CFAP47: variants seen among roughly 807,000 people sequenced by gnomAD.
CFAP47 encodes the protein cilia- and flagella-associated protein 47.
CFAP47 carries 29 observed loss-of-function variants against 148.1 expected under a neutral mutation model. That is an observed-to-expected ratio of 0.20 (90% CI 0.15 to 0.27). CFAP47 has a LOEUF of 0.27. Ranked by LOEUF, CFAP47 falls within the 10% of genes least tolerant of loss-of-function variation. The pLI is 1.00. For synonymous variants in CFAP47, 664 were observed against 577.3 expected (o/e 1.15, Z -2.15); for missense variants, 1,872 against 1,697.5 (o/e 1.10, Z -1.81).
chrX:36,308,115 A>C lies in CFAP47; in HGVS notation c.8187+1239A>C, dbSNP rs371861859. On this transcript the variant is annotated intron_variant, in intron 55 of 63. Coordinates refer to ENST00000378653, the MANE Select transcript of CFAP47 (RefSeq NM_001304548.2). Reference sequence around the variant, plus strand: ...ATATCTATTCAAGGGCAGTCTTAGAACTCAGCAGGGAGATAATCAGTTCTG... The same window carrying C: ...ATATCTATTCAAGGGCAGTCTTAGACCTCAGCAGGGAGATAATCAGTTCTG... Among the ~76,000 whole-genome samples the C allele has an allele frequency of 4.5e-5, 5 of 111,604 alleles. No individual in the cohort carries two copies. The East Asian group carries it at 8.4e-4, about 19-fold the overall frequency.
Position 36,201,313 on chromosome X carries a change from A to C in CFAP47, c.6476A>C (p.Lys2159Thr). ...TACCCAGTTCTGTATTTGAAATGCA[A>C]ACCCTATCAAATCCTGTATGTGGAC... is the stretch of plus-strand genomic sequence containing the variant. ...KKYPVLYLKC[K>T]PYQILYVDLK... Residue 2159 changes from lysine (K) to threonine (T), a missense_variant, in exon 44 of 64, where the codon AAA becomes ACA. Physicochemically the swap from Lys to Thr is moderately conservative, Grantham distance 78. Transcript: ENST00000378653. The C allele has an allele frequency of 3.4e-6, 1 of 297,265 alleles. No homozygotes were observed. The allele number at this position is 297,265 out of a possible 1,213,427, so 24.5% of individuals were successfully genotyped here. A position where few individuals can be genotyped will look rare whatever the true frequency, so the allele number is the denominator to read the frequency against.
intron 51 of CFAP47, among the ~76,000 whole-genome samples, chrX:36,294,734 T>C (rs1332037253): frequency 1.8e-5 from 2 of 110,324 alleles, no homozygotes; most frequent in Admixed American, 9.7e-5. Context: ...AAAATGAAAA[T>C]AAAAAATAAA....
At chrX:35,980,494 C>T (rs1281800193) in intron 15 of CFAP47, among the ~76,000 whole-genome samples, 1 of 111,860 alleles carries the variant, frequency 8.9e-6, no homozygotes, top group Non-Finnish European at 1.9e-5. Flanking sequence ...CTGACTTTTA[C>T]ATATTCCCCA....
chrX:35,941,186 A>C (rs922498095), intron 2 of CFAP47, 97 bp from the exon 3 acceptor site: 24 of 441,096 alleles, frequency 5.4e-5, no homozygotes, highest in Non-Finnish European at 8.5e-5. Flanking sequence ...AATGTCTTTT[A>C]AGGGCTTAAG....
At chrX:36,337,839 C>T (rs1941618015) in intron 57 of CFAP47, among the ~76,000 whole-genome samples, 2 of 104,369 alleles carry the variant, frequency 1.9e-5, no homozygotes, top group South Asian at 9.0e-4. Context: ...CAATTTTCTC[C>T]TCTGTTTTCC....
intron 2 of CFAP47, among the ~76,000 whole-genome samples, chrX:35,934,065 T>G (rs758789469): frequency 1.8e-5 from 2 of 111,394 alleles, no homozygotes; most frequent in Non-Finnish European, 3.8e-5. Context: ...TGCACAAGCT[T>G]TTTTACTTGA....
intron 63 of CFAP47, among the ~76,000 whole-genome samples, chrX:36,380,544 C>T (rs1159687620): frequency 4.5e-5 from 5 of 111,787 alleles, no homozygotes; most frequent in African/African-American, 1.3e-4. Flanking sequence ...AACGGGTTCA[C>T]GCCATTCTCC....
At chrX:36,165,701 T>C (rs1269785302) in intron 39 of CFAP47, among the ~76,000 whole-genome samples, 1 of 112,057 alleles carries the variant, frequency 8.9e-6, no homozygotes, top group East Asian at 2.8e-4. Flanking sequence ...CAGAAATTTA[T>C]GTTCTTAGAG....
chrX:36,067,469 A>G (rs1340102500), intron 27 of CFAP47, among the ~76,000 whole-genome samples: 1 of 110,791 alleles, frequency 9.0e-6, no homozygotes, highest in Non-Finnish European at 1.9e-5. Flanking sequence ...CCAGTCAACC[A>G]ATTCCTGTCC....
At chrX:36,128,900 T>C (rs975092738) in intron 33 of CFAP47, among the ~76,000 whole-genome samples, 5 of 110,433 alleles carry the variant, frequency 4.5e-5, no homozygotes, top group Admixed American at 9.8e-5. Flanking sequence ...TGCTTTAACT[T>C]ACTTGAATGA....
At chrX:36,159,631 C>T (rs771552786) in intron 38 of CFAP47, 55 bp downstream of exon 38, 1 of 292,548 alleles carries the variant, frequency 3.4e-6, no homozygotes, top group South Asian at 2.1e-4. Context: ...CATGAAGTAT[C>T]AAAAGCATGT....
intron 49 of CFAP47, among the ~76,000 whole-genome samples, chrX:36,271,345 G>A (rs1396439118): frequency 9.0e-6 from 1 of 111,349 alleles, no homozygotes; most frequent in East Asian, 2.8e-4. Flanking sequence ...CTTACAGTAC[G>A]TCTCCTTAGC....
chrX:36,366,232 C>G (rs1431834340), intron 61 of CFAP47, among the ~76,000 whole-genome samples: 3 of 111,611 alleles, frequency 2.7e-5, no homozygotes, highest in African/African-American at 9.8e-5. Flanking sequence ...GATATTGAAA[C>G]CACACTGTTA....
chrX:35,945,968 G>A (rs1172871384), intron 3 of CFAP47, among the ~76,000 whole-genome samples: 1 of 105,110 alleles, frequency 9.5e-6, no homozygotes, highest in Non-Finnish European at 1.9e-5. Flanking sequence ...CGCCTCCCAG[G>A]CTCAACCGAT....
At chrX:35,922,073 G>A (rs1308176374) in intron 1 of CFAP47, among the ~76,000 whole-genome samples, 5 of 111,103 alleles carry the variant, frequency 4.5e-5, no homozygotes, top group Admixed American at 2.9e-4. Flanking sequence ...CCATCTAAGA[G>A]TGTTTTTATG....
At chrX:36,307,241 A>G (rs2073988717) in intron 55 of CFAP47, among the ~76,000 whole-genome samples, 1 of 111,507 alleles carries the variant, frequency 9.0e-6, no homozygotes, top group African/African-American at 3.2e-5. Flanking sequence ...AATATTTGTT[A>G]TTTTTTCCAC....
At chrX:36,229,074 T>A (rs1239291524) in intron 46 of CFAP47, among the ~76,000 whole-genome samples, 1 of 111,610 alleles carries the variant, frequency 9.0e-6, no homozygotes, top group Admixed American at 9.6e-5. Flanking sequence ...ATCATTAAAT[T>A]CCTTCTTGCT....
intron 63 of CFAP47, among the ~76,000 whole-genome samples, chrX:36,382,925 G>T (rs1942091281): frequency 9.0e-6 from 1 of 111,182 alleles, no homozygotes; most frequent in African/African-American, 3.3e-5. Flanking sequence ...GGAGATTGGG[G>T]ATAGAAGATA....
Position 35,966,642 on chromosome X carries a change from G to C in CFAP47, c.1488G>C (p.Val496=), listed in dbSNP as rs888937339. 3 of 1,176,951 alleles carry C rather than the reference G, an allele frequency of 2.5e-6. No homozygotes were observed. The South Asian group carries it at 5.8e-5, about 23-fold the overall frequency. ...VKQMIEIIGL[V]AEEDLQSLSV... ...AGATGATAGAGATTATTGGTTTAGT[G>C]GCAGAAGAAGATTTGCAATCTTTGT... is the stretch of plus-strand genomic sequence containing the variant. Residue 496 remains valine, a synonymous_variant, in exon 9 of 64, where the codon GTG becomes GTC. Coordinates refer to ENST00000378653, the MANE Select transcript of CFAP47 (RefSeq NM_001304548.2).
Sources: gnomAD v4.1 joint callset for allele counts (sites outside exome capture counted in the v4.1 genomes callset) on GRCh38, gnomAD v4.1.1 for gene constraint, MANE v1.5 for transcripts, NCBI Gene and HGNC (gene_info 2026-07-23, HGNC 2026-07-21) for gene names.